The following CYP4X1 variants were observed in gnomAD, a reference collection of about 807,000 sequenced individuals.
The protein encoded by CYP4X1 is cytochrome P450 4X1.
In CYP4X1, 44 loss-of-function variants were observed where a neutral mutation model predicts 57.9. The observed-to-expected ratio is 0.76, with a 90% CI of 0.60 to 0.98. The LOEUF is 0.98. CYP4X1 is among the 50% of genes least tolerant of loss of function. CYP4X1 has a pLI of 0.00. For synonymous variants in CYP4X1, 227 were observed against 228.6 expected, an observed-to-expected ratio of 0.99 and a Z score of 0.06; for missense variants, 532 against 623.9, an observed-to-expected ratio of 0.85 and a Z score of 1.57.
chr1:47,044,115 T>C (rs1644275766), intron 8 of CYP4X1, among the ~76,000 whole-genome samples: 3 of 152,230 alleles, frequency 2.0e-5, no homozygotes, highest in Admixed American at 2.0e-4. Context: ...AAGGACTTAC[T>C]ACTGCCATTT....
intron 10 of CYP4X1, among the ~76,000 whole-genome samples, 197 bp downstream of exon 10, chr1:47,048,826 C>T (rs899748775): frequency 7.9e-5 from 12 of 152,232 alleles, no homozygotes; most frequent in Non-Finnish European, 1.5e-4. Flanking sequence ...TGATTTCTTT[C>T]ATGTAAGCCA....
At chr1:47,053,148 A>G (rs1001683045), downstream of CYP4X1, among the ~76,000 whole-genome samples, 5 of 151,572 alleles carry the variant, frequency 3.3e-5, no homozygotes, top group African/African-American at 1.2e-4. Context: ...ATTCCCACCT[A>G]TGAGTGAGAA....
rs202088452 is a variant in CYP4X1 at position 47,045,590 on chromosome 1, G to A, written c.1074-877G>A. Among the ~76,000 whole-genome samples, 4 of 152,250 alleles carry A rather than the reference G, an allele frequency of 2.6e-5. No individual in the cohort carries two copies. The South Asian group carries it at 6.2e-4, about 24-fold the overall frequency. Reference sequence around the variant, plus strand: ...TAGAAGCCAGCAGTGGTTTATCATCGACTTATTCTTACTGACTAGCTCCCC... The same window carrying A: ...TAGAAGCCAGCAGTGGTTTATCATCAACTTATTCTTACTGACTAGCTCCCC... On this transcript the variant is annotated intron_variant, in intron 8 of 11. Transcript: ENST00000371901.
chr1:47,037,896 C>A (rs1234141455), intron 6 of CYP4X1, among the ~76,000 whole-genome samples: 1 of 152,124 alleles, frequency 6.6e-6, no homozygotes, highest in Non-Finnish European at 1.5e-5. Flanking sequence ...ATCCAGTTGT[C>A]CCATCACCAT....
chr1:46,962,224 C>G, the CYP4X1 span, among the ~76,000 whole-genome samples: 1 of 152,146 alleles, frequency 6.6e-6, no homozygotes, highest in South Asian at 2.1e-4. Flanking sequence ...TCGAGTGATT[C>G]TCCTGCCTCA....
the CYP4X1 span, among the ~76,000 whole-genome samples, chr1:46,991,759 G>A: frequency 1.3e-5 from 2 of 151,992 alleles, no homozygotes; most frequent in Non-Finnish European, 2.9e-5. Flanking sequence ...CTGTTGGAAA[G>A]GAATACGCTG....
intron 1 of CYP4X1, 94 bp downstream of exon 1, chr1:47,024,088 A>G (rs531717187): frequency 2.8e-6 from 4 of 1,448,446 alleles, no homozygotes; most frequent in South Asian, 1.4e-5. Flanking sequence ...GCTTTCTTCC[A>G]TCCCTGGGGA....
the CYP4X1 span, among the ~76,000 whole-genome samples, chr1:46,967,399 A>G: frequency 6.6e-6 from 1 of 152,210 alleles, no homozygotes; most frequent in African/African-American, 2.4e-5. Flanking sequence ...GGCAGAAGGA[A>G]TAAGAAAGAA....
At chr1:47,026,932 G>C (rs1317091188) in intron 1 of CYP4X1, among the ~76,000 whole-genome samples, 5 of 152,050 alleles carry the variant, frequency 3.3e-5, no homozygotes, top group Admixed American at 2.6e-4. Flanking sequence ...GGCCAGGCTA[G>C]TCTCGAACTC....
At chr1:46,973,145 G>A in the CYP4X1 span, among the ~76,000 whole-genome samples, 1 of 151,958 alleles carries the variant, frequency 6.6e-6, no homozygotes, top group Non-Finnish European at 1.5e-5. Context: ...ATGAAGGAAT[G>A]TTGAGTTTTA....
At chr1:47,024,016 G>A (rs200133350) in intron 1 of CYP4X1, 22 bp downstream of exon 1, 2 of 1,602,478 alleles carry the variant, frequency 1.2e-6, no homozygotes, top group South Asian at 1.1e-5. Flanking sequence ...GGAGGAGGGA[G>A]GAAGGAGGAG....
At chr1:47,054,588 A>G (rs897760831), downstream of CYP4X1, among the ~76,000 whole-genome samples, 4 of 151,972 alleles carry the variant, frequency 2.6e-5, no homozygotes, top group African/African-American at 9.7e-5. Context: ...ATCCTCTTTT[A>G]TTTCATTGAG....
At chr1:46,982,176 T>C in the CYP4X1 span, among the ~76,000 whole-genome samples, 713 of 152,328 alleles carry the variant, frequency 4.7e-3, 7 homozygotes, top group African/African-American at 0.016. Flanking sequence ...ATTATTGTAC[T>C]ATGTTTTTTC....
downstream of CYP4X1, among the ~76,000 whole-genome samples, chr1:47,051,798 A>G (rs1204611608): frequency 6.6e-6 from 1 of 152,118 alleles, no homozygotes; most frequent in East Asian, 1.9e-4. Context: ...CAGTTAAACA[A>G]TATTTCCTTG....
At chr1:46,967,658 T>G in the CYP4X1 span, 1 of 470,774 alleles carries the variant, frequency 2.1e-6, no homozygotes. Context: ...GAAGACAGGG[T>G]GGCAGGTGGA....
At chr1:46,994,208 T>A in the CYP4X1 span, among the ~76,000 whole-genome samples, 2 of 152,226 alleles carry the variant, frequency 1.3e-5, no homozygotes, top group Non-Finnish European at 2.9e-5. Context: ...CATTTCTTGT[T>A]TTTGTCAGGT....
intron 8 of CYP4X1, among the ~76,000 whole-genome samples, chr1:47,042,276 A>C (rs1266373593): frequency 7.5e-6 from 1 of 134,170 alleles, no homozygotes; most frequent in Non-Finnish European, 1.5e-5. Flanking sequence ...ATTCCATACG[A>C]ATTTTAGGGC....
chr1:46,981,056 C>A, the CYP4X1 span, among the ~76,000 whole-genome samples: 1 of 152,148 alleles, frequency 6.6e-6, no homozygotes, highest in Non-Finnish European at 1.5e-5. Flanking sequence ...CAATACCATT[C>A]AGAACATAGG....
At chr1:46,980,782 A>C in the CYP4X1 span, among the ~76,000 whole-genome samples, 1 of 152,186 alleles carries the variant, frequency 6.6e-6, no homozygotes, top group Admixed American at 6.5e-5. Flanking sequence ...CAAAACAGAG[A>C]TATAGATCAA....
Sources: allele counts gnomAD v4.1 joint callset (sites outside exome capture counted in the v4.1 genomes callset), GRCh38; gene constraint gnomAD v4.1.1; transcripts MANE v1.5; gene names NCBI Gene and HGNC (gene_info 2026-07-23, HGNC 2026-07-21).